TMEM178B: variants seen among roughly 807,000 people sequenced by gnomAD.
TMEM178B encodes the protein transmembrane protein 178B.
TMEM178B carries 5 observed loss-of-function variants against 31.0 expected under a neutral mutation model. That is an observed-to-expected ratio of 0.16 (90% CI 0.08 to 0.34). The LOEUF is 0.34. Among genes scored for constraint, TMEM178B ranks in the 10% least tolerant of loss-of-function variants. TMEM178B has a pLI of 1.00. For missense variants in TMEM178B, 275 were observed against 400.3 expected, an observed-to-expected ratio of 0.69 and a Z score of 2.67; for synonymous variants, 164 against 164.0, an observed-to-expected ratio of 1.00 and a Z score of 0.00.
At chr7:141,190,531 G>C (rs559516334) in intron 1 of TMEM178B, among the ~76,000 whole-genome samples, 1 of 151,624 alleles carries the variant, frequency 6.6e-6, no homozygotes, top group Admixed American at 6.6e-5. Flanking sequence ...GGCTGGTCTT[G>C]AACTCCTGGG....
At chr7:141,465,340 G>A (rs1297910602) in intron 3 of TMEM178B, among the ~76,000 whole-genome samples, 1 of 152,142 alleles carries the variant, frequency 6.6e-6, no homozygotes, top group East Asian at 1.9e-4. Context: ...TTTTCCAGCA[G>A]AGCCATTTAA....
chr7:141,401,410 T>C (rs1229959160), intron 2 of TMEM178B, among the ~76,000 whole-genome samples: 3 of 152,140 alleles, frequency 2.0e-5, no homozygotes, highest in Admixed American at 6.6e-5. Flanking sequence ...TCTTTTCTTT[T>C]ATTTTCTTAT....
intron 1 of TMEM178B, among the ~76,000 whole-genome samples, chr7:141,151,029 A>G (rs1481190221): frequency 6.6e-6 from 1 of 152,222 alleles, no homozygotes; most frequent in Non-Finnish European, 1.5e-5. Context: ...CATCTCAGAG[A>G]CCAAATGTCA....
intron 3 of TMEM178B, among the ~76,000 whole-genome samples, chr7:141,439,852 A>G (rs1801625891): frequency 6.6e-6 from 1 of 152,174 alleles, no homozygotes; most frequent in Non-Finnish European, 1.5e-5. Flanking sequence ...CATGCCAGGC[A>G]CAAGGTTCAG....
At chr7:141,393,894 T>C (rs908723948) in intron 2 of TMEM178B, among the ~76,000 whole-genome samples, 3 of 152,210 alleles carry the variant, frequency 2.0e-5, no homozygotes, top group Non-Finnish European at 2.9e-5. Flanking sequence ...TTAGGAGGAA[T>C]TTATTAGCCT....
chr7:141,105,953 G>A (rs1195000018), intron 1 of TMEM178B, among the ~76,000 whole-genome samples: 1 of 151,706 alleles, frequency 6.6e-6, no homozygotes, highest in Non-Finnish European at 1.5e-5. Flanking sequence ...AAATTAGCCG[G>A]GCGTGGTAGT....
intron 2 of TMEM178B, among the ~76,000 whole-genome samples, chr7:141,433,227 G>T (rs1053114106): frequency 5.3e-5 from 8 of 152,186 alleles, no homozygotes; most frequent in African/African-American, 1.7e-4. Flanking sequence ...ATATGCAGTG[G>T]CCAAGGTGAT....
At chr7:141,236,513 C>T (rs961802298) in intron 2 of TMEM178B, among the ~76,000 whole-genome samples, 2 of 152,214 alleles carry the variant, frequency 1.3e-5, no homozygotes, top group African/African-American at 4.8e-5. Context: ...ATAACAGAAC[C>T]AAACCACCTG....
chr7:141,191,182 T>C (rs1796690057), intron 1 of TMEM178B, among the ~76,000 whole-genome samples: 1 of 152,222 alleles, frequency 6.6e-6, no homozygotes, highest in Non-Finnish European at 1.5e-5. Context: ...GCTTTCCATA[T>C]CAGTTTCTAA....
At chr7:141,270,133 G>A (rs1798157996) in intron 2 of TMEM178B, among the ~76,000 whole-genome samples, 1 of 152,104 alleles carries the variant, frequency 6.6e-6, no homozygotes, top group African/African-American at 2.4e-5. Flanking sequence ...AGAATTGTAT[G>A]GTTTTGGAAG....
chr7:141,488,145 C>T, the TMEM178B span, among the ~76,000 whole-genome samples: 1 of 151,940 alleles, frequency 6.6e-6, no homozygotes, highest in Non-Finnish European at 1.5e-5. Flanking sequence ...TAAGGCACTG[C>T]TTTAGAAGGT....
At chr7:141,370,857 C>A (rs910124301) in intron 2 of TMEM178B, among the ~76,000 whole-genome samples, 43 of 152,230 alleles carry the variant, frequency 2.8e-4, no homozygotes, top group Non-Finnish European at 2.9e-5. Flanking sequence ...GACCACTGAT[C>A]AAGACTCTCA....
At chr7:141,351,195 T>C (rs370566901) in intron 2 of TMEM178B, among the ~76,000 whole-genome samples, 13 of 152,262 alleles carry the variant, frequency 8.5e-5, no homozygotes, top group African/African-American at 3.1e-4. Flanking sequence ...TAGCTTTTGC[T>C]GCAAATGACC....
At chr7:141,354,529 G>A (rs1313368068) in intron 2 of TMEM178B, among the ~76,000 whole-genome samples, 1 of 152,206 alleles carries the variant, frequency 6.6e-6, no homozygotes, top group Non-Finnish European at 1.5e-5. Context: ...CTGAGTGTAT[G>A]TGTTCACATG....
At chr7:141,194,986 G>T (rs1017521131) in intron 1 of TMEM178B, among the ~76,000 whole-genome samples, 4 of 152,206 alleles carry the variant, frequency 2.6e-5, no homozygotes, top group Admixed American at 2.6e-4. Flanking sequence ...TGGAGTGGCT[G>T]GGACACAGGG....
intron 2 of TMEM178B, among the ~76,000 whole-genome samples, chr7:141,412,673 G>A (rs1177296817): frequency 1.3e-5 from 2 of 152,208 alleles, no homozygotes; most frequent in East Asian, 1.9e-4. Context: ...CTTTGCCAGC[G>A]ACGTGCAGTG....
chr7:141,324,416 GTTTTTTTTTTTTTTTTTTT>G (rs56316531), intron 2 of TMEM178B, among the ~76,000 whole-genome samples: 66 of 85,774 alleles, frequency 7.7e-4, no homozygotes, highest in African/African-American at 1.7e-3. Context: ...GGAGACCAGG[GTTTTTTTTTTTTTTTTTTT>G]TTTTTTTTTT....
chr7:141,371,987 A>C (rs1440705367), intron 2 of TMEM178B, among the ~76,000 whole-genome samples: 1 of 152,252 alleles, frequency 6.6e-6, no homozygotes. Context: ...CTTAAATAAC[A>C]GTCTTCACTT....
At chr7:141,401,573 A>AC (rs1471343484) in intron 2 of TMEM178B, among the ~76,000 whole-genome samples, 1 of 151,566 alleles carries the variant, frequency 6.6e-6, no homozygotes, top group Non-Finnish European at 1.5e-5. Context: ...ATGCCACCAC[A>AC]CCCAGCTATT....
Sources: gnomAD v4.1 joint callset for allele counts (sites outside exome capture counted in the v4.1 genomes callset) on GRCh38, gnomAD v4.1.1 for gene constraint, MANE v1.5 for transcripts, NCBI Gene and HGNC (gene_info 2026-07-23, HGNC 2026-07-21) for gene names.